SYT13: variants seen among roughly 807,000 people sequenced by gnomAD.
SYT13 encodes the protein synaptotagmin 13.
A neutral mutation model predicts 38.6 loss-of-function variants in SYT13; 21 were observed. That is an observed-to-expected ratio of 0.54 (90% CI 0.39 to 0.78). The LOEUF is 0.78. Among genes scored for constraint, SYT13 ranks in the 30% least tolerant of loss-of-function variants. The pLI, the probability that SYT13 is intolerant of heterozygous loss-of-function variation, is 0.00. For missense variants in SYT13, 495 were observed against 548.7 expected (o/e 0.90, Z 0.98); for synonymous variants, 241 against 237.6 (o/e 1.01, Z -0.13).
At chr11:45,250,596 G>A (rs929325074) in intron 4 of SYT13, among the ~76,000 whole-genome samples, 10 of 152,174 alleles carry the variant, frequency 6.6e-5, no homozygotes. Context: ...AAGTATTGAT[G>A]CCTTCTCCCA....
intron 4 of SYT13, among the ~76,000 whole-genome samples, chr11:45,249,747 C>G (rs948697039): frequency 6.6e-6 from 1 of 152,048 alleles, no homozygotes; most frequent in Non-Finnish European, 1.5e-5. Flanking sequence ...CAGGGCATGT[C>G]AGGGGTGGGG....
At chr11:45,284,481 C>T (rs1298836021) in intron 1 of SYT13, among the ~76,000 whole-genome samples, 1 of 152,180 alleles carries the variant, frequency 6.6e-6, no homozygotes, top group Non-Finnish European at 1.5e-5. Context: ...CTCTTCCAAG[C>T]TCAGTGAGAA....
Position 45,280,322 on chromosome 11 carries a change from G to A in SYT13, c.183+5703C>T, listed in dbSNP as rs554185157. Among the ~76,000 whole-genome samples, 3 of 152,160 alleles carry A rather than the reference G, an allele frequency of 2.0e-5. No homozygotes were observed. The East Asian group carries it at 5.8e-4, about 29-fold the overall frequency. The stretch of plus-strand genomic sequence containing the variant: ...TGCAGCACACAGGAGGTGGCCATGG[G>A]AGAAACAGCAGAAAGCAAACAGGGC... On this transcript the variant is annotated intron_variant, in intron 1 of 5. Coordinates refer to ENST00000020926, the MANE Select transcript of SYT13 (RefSeq NM_020826.3).
In SYT13 at chr11:45,242,326, T is replaced by G. The variant is rs982149678; in HGVS notation, c.*1726A>C. On this transcript the variant is annotated 3_prime_UTR_variant, in exon 6 of 6. Coordinates refer to ENST00000020926, the MANE Select transcript of SYT13 (RefSeq NM_020826.3). ...GCTCAGGCCTGTAATCCCAGTACTT[T>G]GGGAGGCCGAGGAGGGTAGATCACC... The G allele has an allele frequency of 7.9e-5, 12 of 152,140 alleles. No individual in the cohort carries two copies. Among genetic ancestry groups the G allele is most frequent in the Admixed American group, 5.9e-4 (9 of 15,278 alleles). The allele number at this position is 152,140 out of a possible 1,614,324, so 9.4% of individuals were successfully genotyped here.
chr11:45,261,616 A>G (rs1854817895), intron 1 of SYT13, among the ~76,000 whole-genome samples: 1 of 150,184 alleles, frequency 6.7e-6, no homozygotes, highest in Non-Finnish European at 1.5e-5. Context: ...AGAAAAGAAA[A>G]CAAAAGGAAA....
chr11:45,275,295 A>G (rs1354759177), intron 1 of SYT13, among the ~76,000 whole-genome samples: 1 of 152,226 alleles, frequency 6.6e-6, no homozygotes, highest in East Asian at 1.9e-4. Context: ...AGAGGAATCA[A>G]TGAAATATGT....
At chr11:45,256,643 G>A (rs1854750763) in intron 1 of SYT13, among the ~76,000 whole-genome samples, 1 of 152,120 alleles carries the variant, frequency 6.6e-6, no homozygotes, top group Non-Finnish European at 1.5e-5. Context: ...TTTGGTCATA[G>A]GCTGGCCTGT....
intron 4 of SYT13, 127 bp from the exon 5 acceptor site, chr11:45,246,639 G>T (rs116010540): frequency 2.8e-5 from 38 of 1,358,716 alleles, no homozygotes; most frequent in Non-Finnish European, 3.6e-5. Context: ...CCATTTACCC[G>T]TCAATGCTGG....
chr11:45,279,727 G>A (rs779538707), intron 1 of SYT13, among the ~76,000 whole-genome samples: 2 of 152,182 alleles, frequency 1.3e-5, no homozygotes, highest in Non-Finnish European at 2.9e-5. Context: ...TTATATGAAT[G>A]GGTGAGTTCA....
chr11:45,268,149 G>A (rs1854907378), intron 1 of SYT13, among the ~76,000 whole-genome samples: 1 of 152,138 alleles, frequency 6.6e-6, no homozygotes, highest in Non-Finnish European at 1.5e-5. Flanking sequence ...GCCAGGATGA[G>A]ACACAACAGG....
At chr11:45,248,567 C>T (rs1854639222) in intron 4 of SYT13, among the ~76,000 whole-genome samples, 1 of 152,202 alleles carries the variant, frequency 6.6e-6, no homozygotes, top group Admixed American at 6.5e-5. Context: ...CTCCAGCTTT[C>T]TCAGTTGACA....
At chr11:45,246,604 T>A (rs1321637420) in intron 4 of SYT13, 92 bp from the exon 5 acceptor site, 5 of 1,513,080 alleles carry the variant, frequency 3.3e-6, no homozygotes, top group Non-Finnish European at 4.4e-6. Flanking sequence ...CATGCTGGAT[T>A]TGCATCCAAC....
intron 1 of SYT13, among the ~76,000 whole-genome samples, chr11:45,256,635 T>C (rs1463015805): frequency 6.6e-6 from 1 of 152,220 alleles, no homozygotes; most frequent in African/African-American, 2.4e-5. Context: ...TATATTGTTT[T>C]GGTCATAGGC....
intron 2 of SYT13, chr11:45,254,712 C>G: frequency 4.1e-6 from 1 of 246,162 alleles, no homozygotes; most frequent in Admixed American, 5.5e-5. Context: ...CAGGGACGAT[C>G]ATGTCTCTTC....
chr11:45,272,420 G>A lies in SYT13; in HGVS notation c.183+13605C>T, dbSNP rs114235123. 6.7e-3 allele frequency among the ~76,000 whole-genome samples: 1,018 copies of A among 152,278 alleles called. 17 individuals are homozygous for A. Among genetic ancestry groups the A allele is most frequent in the African/African-American group, 0.024 (991 of 41,546 alleles). On this transcript the variant is annotated intron_variant, in intron 1 of 5. Transcript: ENST00000020926. Reference sequence around the variant, plus strand: ...TCTGCAGTCTCTGCCATGTTTGGGCGACAAAGTGATTCTTCTGTGTGAATT... The same window carrying A: ...TCTGCAGTCTCTGCCATGTTTGGGCAACAAAGTGATTCTTCTGTGTGAATT...
intron 2 of SYT13, among the ~76,000 whole-genome samples, 165 bp downstream of exon 2, chr11:45,255,501 G>A (rs1029281159): frequency 2.2e-4 from 34 of 152,334 alleles, no homozygotes; most frequent in African/African-American, 7.5e-4. Context: ...CATGTTGTCA[G>A]GAAGAAAGGA....
intron 1 of SYT13, among the ~76,000 whole-genome samples, chr11:45,271,967 G>T (rs1565393229): frequency 6.6e-6 from 1 of 152,206 alleles, no homozygotes; most frequent in Non-Finnish European, 1.5e-5. Flanking sequence ...ATGGTAGACT[G>T]AATAAAGAAT....
intron 1 of SYT13, chr11:45,258,330 C>G (rs1231067247): frequency 3.9e-5 from 6 of 152,246 alleles, no homozygotes; most frequent in African/African-American, 1.4e-4. Flanking sequence ...TGCACCTCCA[C>G]CCCCACTGAG....
At position 45,252,420 on chromosome 11, in the gene SYT13, C is replaced by T; in HGVS notation, c.846+1G>A. On this transcript the variant is annotated splice_donor_variant, in intron 4 of 5. Transcript: ENST00000020926. LOFTEE classifies it high-confidence loss of function. This position sits in a 1 kb window ranked among gnomAD's most constrained non-coding sequence, Gnocchi z 4.3. ...CCTTTCTAACCCAGGGGTTACCCTA[C>T]CTTCGCTGAAGTCTTCAGCTCGCCC... 1 of 1,571,650 alleles carries T rather than the reference C, an allele frequency of 6.4e-7. No homozygotes were observed. The highest frequency in any genetic ancestry group is 2.3e-5 in the East Asian group (1 of 44,128).
Sources: gnomAD v4.1 joint callset for allele counts (sites outside exome capture counted in the v4.1 genomes callset) on GRCh38, gnomAD v4.1.1 for gene constraint, Gnocchi (gnomAD v3.1) non-coding constraint, MANE v1.5 for transcripts, NCBI Gene and HGNC (gene_info 2026-07-23, HGNC 2026-07-21) for gene names.